PCDHGB1: variants seen among roughly 807,000 people sequenced by gnomAD.
PCDHGB1 encodes protocadherin gamma subfamily B, 1.
PCDHGB1 carries 34 observed loss-of-function variants against 56.6 expected under a neutral mutation model. The ratio of observed to expected loss-of-function variants is 0.60; its 90% CI spans 0.46 to 0.80. The LOEUF (loss-of-function observed/expected upper bound fraction) is 0.80, where lower values mean the gene tolerates loss of function less well. Ranked by LOEUF, PCDHGB1 falls within the 30% of genes least tolerant of loss-of-function variation. PCDHGB1 has a pLI of 0.00. For missense variants in PCDHGB1, 1,278 were observed against 1,204.6 expected (o/e 1.06, Z -0.90); for synonymous variants, 561 against 505.9 (o/e 1.11, Z -1.46).
chr5:141,459,757 G>A (rs1360124889), intron 1 of PCDHGB1, among the ~76,000 whole-genome samples: 3 of 152,162 alleles, frequency 2.0e-5, no homozygotes, highest in Admixed American at 2.0e-4. Context: ...ATTCTAGTGG[G>A]TGTGTGATAC....
chr5:141,470,113 A>C (rs1209326739), intron 1 of PCDHGB1, among the ~76,000 whole-genome samples: 1 of 152,126 alleles, frequency 6.6e-6, no homozygotes, highest in Non-Finnish European at 1.5e-5. Context: ...TGAGCAACAG[A>C]GCAAGACTTC....
chr5:141,415,905 C>T (rs1278855649), intron 1 of PCDHGB1: 5 of 801,160 alleles, frequency 6.2e-6, no homozygotes, highest in Non-Finnish European at 8.6e-6. Context: ...GACAGACTTC[C>T]ATACAGAAGT....
intron 1 of PCDHGB1, chr5:141,362,251 G>T: frequency 6.2e-7 from 1 of 1,613,980 alleles, no homozygotes; most frequent in Non-Finnish European, 8.5e-7. Context: ...CTTCTTCCTC[G>T]CGGTGATTCT....
chr5:141,390,518 T>C (rs1045172175), intron 1 of PCDHGB1: 28 of 570,804 alleles, frequency 4.9e-5, no homozygotes, highest in Middle Eastern at 4.8e-4. Context: ...TATAAAGCAA[T>C]GAGGGTGTGG....
chr5:141,370,443 C>T, intron 1 of PCDHGB1: 1 of 1,607,126 alleles, frequency 6.2e-7, no homozygotes, highest in South Asian at 1.1e-5. Flanking sequence ...GAGGCGAATG[C>T]TATTTCTCTT....
At chr5:141,488,183 T>C (rs1249953031) in intron 1 of PCDHGB1, among the ~76,000 whole-genome samples, 1 of 152,148 alleles carries the variant, frequency 6.6e-6, no homozygotes, top group Non-Finnish European at 1.5e-5. Flanking sequence ...CATAGATCTT[T>C]TGGTCTGGGT....
intron 1 of PCDHGB1, chr5:141,356,784 G>A: frequency 6.2e-7 from 1 of 1,613,948 alleles, no homozygotes; most frequent in East Asian, 2.2e-5. Flanking sequence ...TTAGAGACCT[G>A]CAGCTGCTGA....
chr5:141,510,621 A>G (rs1317150967), intron 3 of PCDHGB1, among the ~76,000 whole-genome samples: 1 of 152,176 alleles, frequency 6.6e-6, no homozygotes, highest in Non-Finnish European at 1.5e-5. Flanking sequence ...CACTAAAACC[A>G]GAAGAGGTGG....
Position 141,432,410 on chromosome 5 carries a change from T to C in PCDHGB1, c.2410-62397T>C. On this transcript the variant is annotated intron_variant, in intron 1 of 3. Transcript: ENST00000523390. This position sits in a 1 kb window ranked among gnomAD's most constrained non-coding sequence, Gnocchi z 6.0. The stretch of plus-strand genomic sequence containing the variant: ...CAGCAGCAACGTGTCGTTGAGCCTG[T>C]TCGTGCTGGACCAGAACGACAATGC... 6.2e-7 allele frequency: 1 copy of C among 1,614,228 alleles called. No homozygotes were observed. Among genetic ancestry groups the C allele is most frequent in the East Asian group, 2.2e-5 (1 of 44,884 alleles).
chr5:141,362,197 C>T lies in PCDHGB1; in HGVS notation c.2409+9528C>T, dbSNP rs777116647. The T allele has an allele frequency of 8.7e-6, 14 of 1,614,082 alleles. No homozygotes were observed. The South Asian group carries it at 1.4e-4, about 16-fold the overall frequency. ...GGAGCCCTCTGACCCCCAGGCAAAA[C>T]TGCAGTTTTACCTGGTTGTGGCCTT... On this transcript the variant is annotated intron_variant, in intron 1 of 3. Transcript: ENST00000523390.
Position 141,432,484 on chromosome 5 carries a change from G to A in PCDHGB1, c.2410-62323G>A, listed in dbSNP as rs1164877592. On this transcript the variant is annotated intron_variant, in intron 1 of 3. Transcript: ENST00000523390. The surrounding 1 kb of genome is among the most constrained non-coding windows in gnomAD (Gnocchi z 6.0). ...TCCCCACGGACGGTTCCACTGGCGTGGAGCTGGCTCCCCGCTCCGCAGAGC... is the reference window on the plus strand; with the variant it reads ...TCCCCACGGACGGTTCCACTGGCGTAGAGCTGGCTCCCCGCTCCGCAGAGC... 8.7e-6 allele frequency: 14 copies of A among 1,614,196 alleles called. No individual in the cohort carries two copies. Among genetic ancestry groups the A allele is most frequent in the Non-Finnish European group, 1.2e-5 (14 of 1,180,046 alleles).
intron 1 of PCDHGB1, chr5:141,399,197 T>G: frequency 6.2e-7 from 1 of 1,613,926 alleles, no homozygotes; most frequent in Non-Finnish European, 8.5e-7. Context: ...GAAAACGCGG[T>G]GCCTGGAACA....
chr5:141,415,443 C>T, intron 1 of PCDHGB1: 1 of 1,614,196 alleles, frequency 6.2e-7, no homozygotes, highest in Non-Finnish European at 8.5e-7. Context: ...TCCTGCAGAC[C>T]TATTCCCACG....
intron 1 of PCDHGB1, chr5:141,418,283 ATCAG>A: frequency 1.9e-6 from 3 of 1,613,996 alleles, no homozygotes; most frequent in Non-Finnish European, 2.5e-6. Context: ...AAACTTAGAA[ATCAG>A]TGAATCCGTC....
intron 2 of PCDHGB1, among the ~76,000 whole-genome samples, chr5:141,499,738 A>G (rs1284003023): frequency 2.4e-5 from 3 of 127,268 alleles, no homozygotes; most frequent in South Asian, 2.4e-4. Flanking sequence ...TCTCTTGCCC[A>G]GGCTGTGGCA....
chr5:141,415,322 T>G (rs1226384298), intron 1 of PCDHGB1: 2 of 1,614,104 alleles, frequency 1.2e-6, no homozygotes, highest in South Asian at 2.2e-5. Flanking sequence ...ATCGTGCTGC[T>G]GGCGCACAGG....
chr5:141,439,458 C>T (rs2098114160), intron 1 of PCDHGB1, among the ~76,000 whole-genome samples: 1 of 152,214 alleles, frequency 6.6e-6, no homozygotes, highest in East Asian at 1.9e-4. Flanking sequence ...AGCAAGACTG[C>T]ACTGCTGCCT....
chr5:141,509,709 T>C (rs1344120168), intron 3 of PCDHGB1, among the ~76,000 whole-genome samples: 1 of 152,200 alleles, frequency 6.6e-6, no homozygotes, highest in African/African-American at 2.4e-5. Context: ...CTGGAGGTGC[T>C]GTCTGATGTC....
At chr5:141,384,379 G>A (rs1780024386) in intron 1 of PCDHGB1, 2 of 1,613,934 alleles carry the variant, frequency 1.2e-6, no homozygotes, top group Non-Finnish European at 8.5e-7. Context: ...CTTGGCCGAA[G>A]ACACCATCCA....
Sources: allele counts gnomAD v4.1 joint callset (sites outside exome capture counted in the v4.1 genomes callset), GRCh38; gene constraint gnomAD v4.1.1; non-coding constraint Gnocchi (gnomAD v3.1); transcripts MANE v1.5; gene names NCBI Gene and HGNC (gene_info 2026-07-23, HGNC 2026-07-21).